Variants in SGK3 observed in about 807,000 individuals in gnomAD.
The protein encoded by SGK3 is serum/glucocorticoid regulated kinase family member 3, also known as serine/threonine-protein kinase Sgk3.
SGK3 carries 47 observed loss-of-function variants against 68.5 expected under a neutral mutation model. The observed-to-expected ratio is 0.69, with a 90% confidence interval of 0.54 to 0.87. The LOEUF (loss-of-function observed/expected upper bound fraction) is 0.87. Ranked by LOEUF, SGK3 falls within the 40% of genes least tolerant of loss-of-function variation. The pLI is 0.00. For synonymous variants in SGK3, 181 were observed against 189.1 expected, an observed-to-expected ratio of 0.96 and a Z score of 0.35; for missense variants, 479 against 575.5, an observed-to-expected ratio of 0.83 and a Z score of 1.72.
chr8:66,785,169 C>T (rs949694570), intron 1 of SGK3, among the ~76,000 whole-genome samples: 3 of 152,214 alleles, frequency 2.0e-5, no homozygotes, highest in South Asian at 2.1e-4. Context: ...ATCCCTGGTG[C>T]TCTCTTCTCT....
In SGK3 at chr8:66,761,067, TA is replaced by T. The variant is rs1806151678; in HGVS notation, c.-121-32548del. On this transcript the variant is annotated intron_variant, in intron 1 of 16. Coordinates refer to ENST00000521198, the MANE Select transcript of SGK3 (RefSeq NM_001033578.3). The stretch of plus-strand genomic sequence containing the variant: ...CTCAAAGGTCAAGATTGAATAAAAT[TA>T]GTAATCTTTACTGCTTTATCAAGGA... Among the ~76,000 whole-genome samples, 4 of 152,272 alleles carry T rather than the reference TA, an allele frequency of 2.6e-5. No homozygotes were observed. In the South Asian group the frequency reaches 8.3e-4, roughly 32 times the overall value.
intron 1 of SGK3, among the ~76,000 whole-genome samples, chr8:66,723,177 G>T (rs1187198327): frequency 2.5e-5 from 3 of 120,962 alleles, no homozygotes; most frequent in Admixed American, 1.1e-4. Flanking sequence ...TGGGCACAGC[G>T]ACTTACGCCT....
At chr8:66,732,809 C>A (rs1805205797) in intron 1 of SGK3, among the ~76,000 whole-genome samples, 1 of 152,062 alleles carries the variant, frequency 6.6e-6, no homozygotes. Context: ...GGTGCCACTG[C>A]ACTCCAGCGT....
chr8:66,831,663 A>G (rs748447591), intron 8 of SGK3, among the ~76,000 whole-genome samples: 10 of 152,306 alleles, frequency 6.6e-5, no homozygotes, highest in Middle Eastern at 3.4e-3. Flanking sequence ...TTTCTCATTC[A>G]GTAAATAAGT....
intron 1 of SGK3, among the ~76,000 whole-genome samples, chr8:66,741,509 C>T (rs908230412): frequency 2.0e-5 from 3 of 152,026 alleles, no homozygotes; most frequent in East Asian, 1.9e-4. Context: ...GAGATCGCAC[C>T]GCTGCACTCC....
chr8:66,742,192 C>G (rs562826131), intron 1 of SGK3, among the ~76,000 whole-genome samples: 1 of 152,266 alleles, frequency 6.6e-6, no homozygotes, highest in African/African-American at 2.4e-5. Context: ...AAGGATATCT[C>G]TTTTTCATAT....
chr8:66,783,614 C>G (rs1807080783), intron 1 of SGK3, among the ~76,000 whole-genome samples: 1 of 152,136 alleles, frequency 6.6e-6, no homozygotes, highest in Non-Finnish European at 1.5e-5. Context: ...ACCTCCTGGG[C>G]TCAAGCTATT....
At chr8:66,743,666 C>T (rs1279959530) in intron 1 of SGK3, among the ~76,000 whole-genome samples, 1 of 152,242 alleles carries the variant, frequency 6.6e-6, no homozygotes, top group Non-Finnish European at 1.5e-5. Flanking sequence ...GGATTACAGG[C>T]AAGTGCCACC....
At chr8:66,729,257 C>A (rs1244179254) in intron 1 of SGK3, among the ~76,000 whole-genome samples, 1 of 150,872 alleles carries the variant, frequency 6.6e-6, no homozygotes, top group Non-Finnish European at 1.5e-5. Context: ...GAGATCGAGA[C>A]CATCCTGGCT....
chr8:66,841,257 T>C (rs1178692906), intron 13 of SGK3, 147 bp downstream of exon 13: 30 of 583,754 alleles, frequency 5.1e-5, no homozygotes, highest in Non-Finnish European at 7.8e-5. Flanking sequence ...CTGATAATCA[T>C]GCCTTGATAG....
At chr8:66,809,921 T>TA (rs1480432596) in intron 4 of SGK3, among the ~76,000 whole-genome samples, 3 of 152,144 alleles carry the variant, frequency 2.0e-5, no homozygotes, top group Non-Finnish European at 2.9e-5. Context: ...TGCGTGTCCT[T>TA]ACACCAAGGC....
intron 1 of SGK3, among the ~76,000 whole-genome samples, chr8:66,723,131 ATTTTTTTT>A (rs1177940065): frequency 1.8e-3 from 52 of 29,484 alleles, no homozygotes; most frequent in African/African-American, 6.1e-3. Context: ...ATATATATAT[ATTTTTTTT>A]TTTTTTTTTT....
intron 4 of SGK3, among the ~76,000 whole-genome samples, chr8:66,811,517 T>C (rs1808382909): frequency 6.6e-6 from 1 of 152,208 alleles, no homozygotes; most frequent in Non-Finnish European, 1.5e-5. Context: ...TTAGTGTTGA[T>C]CTAAAAAAGT....
chr8:66,820,528 T>A (rs1445105411), intron 5 of SGK3, among the ~76,000 whole-genome samples: 1 of 152,206 alleles, frequency 6.6e-6, no homozygotes, highest in East Asian at 1.9e-4. Context: ...TGAATGAGTT[T>A]TTATGTGAAC....
intron 1 of SGK3, among the ~76,000 whole-genome samples, chr8:66,732,855 T>TAA (rs113754626): frequency 4.7e-5 from 7 of 149,346 alleles, no homozygotes; most frequent in African/African-American, 1.5e-4. Flanking sequence ...TAAATTTTAT[T>TAA]AAAAAAAAAA....
At chr8:66,855,215 T>C (rs1224526956) in intron 16 of SGK3, among the ~76,000 whole-genome samples, 1 of 152,208 alleles carries the variant, frequency 6.6e-6, no homozygotes, top group Non-Finnish European at 1.5e-5. Context: ...TATTGATTGA[T>C]TGATTGAGAC....
chr8:66,798,343 A>G (rs575284719), intron 2 of SGK3, among the ~76,000 whole-genome samples, 199 bp from the exon 3 acceptor site: 2 of 152,196 alleles, frequency 1.3e-5, no homozygotes, highest in South Asian at 4.2e-4. Context: ...TAAGTGCTTT[A>G]ATTGGTATGT....
intron 1 of SGK3, among the ~76,000 whole-genome samples, chr8:66,792,759 G>A (rs996030956): frequency 2.0e-5 from 3 of 152,120 alleles, no homozygotes; most frequent in African/African-American, 7.2e-5. Flanking sequence ...AGGTGTGATG[G>A]TCTGTGCCTA....
intron 1 of SGK3, among the ~76,000 whole-genome samples, chr8:66,786,314 G>A (rs1432276243): frequency 6.6e-6 from 1 of 152,162 alleles, no homozygotes; most frequent in Non-Finnish European, 1.5e-5. Context: ...CAGACCACCT[G>A]GGTTCAAATC....
Sources: allele counts gnomAD v4.1 joint callset (sites outside exome capture counted in the v4.1 genomes callset), GRCh38; gene constraint gnomAD v4.1.1; transcripts MANE v1.5; gene names NCBI Gene and HGNC (gene_info 2026-07-23, HGNC 2026-07-21).